The following ADGRL3 variants were observed in gnomAD, a reference collection of about 807,000 sequenced individuals.
The protein encoded by ADGRL3 is calcium-independent alpha-latrotoxin receptor 3.
A neutral mutation model predicts 153.5 loss-of-function variants in ADGRL3; 62 were observed. The observed-to-expected ratio is 0.40, with a 90% CI of 0.33 to 0.50. The LOEUF (loss-of-function observed/expected upper bound fraction) is 0.50. Ranked by LOEUF, ADGRL3 falls within the 20% of genes least tolerant of loss-of-function variation. The probability of loss-of-function intolerance (pLI) is 0.47; values close to 1 mark genes in which losing one functional copy is unlikely to be tolerated. For missense variants in ADGRL3, 1,641 were observed against 1,859.4 expected, an observed-to-expected ratio of 0.88 and a Z score of 2.16; for synonymous variants, 710 against 672.5, an observed-to-expected ratio of 1.06 and a Z score of -0.86.
intron 15 of ADGRL3, among the ~76,000 whole-genome samples, chr4:61,937,879 CATTT>C (rs1290944362): frequency 2.0e-5 from 3 of 152,038 alleles, no homozygotes; most frequent in East Asian, 1.9e-4. Context: ...GTTGTGTGTT[CATTT>C]GTTTTCTAAA....
chr4:61,919,953 G>A (rs547811525), intron 13 of ADGRL3, among the ~76,000 whole-genome samples: 87 of 152,168 alleles, frequency 5.7e-4, no homozygotes, highest in African/African-American at 2.0e-3. Flanking sequence ...TGAGGGTATG[G>A]GAAAAGTGTC....
intron 1 of ADGRL3, among the ~76,000 whole-genome samples, chr4:61,266,747 T>C (rs747603834): frequency 4.6e-5 from 7 of 151,792 alleles, no homozygotes; most frequent in Non-Finnish European, 1.0e-4. Context: ...CTTCCAAATA[T>C]ATTTTATGCT....
At chr4:62,009,873 T>C (rs2099175849) in intron 21 of ADGRL3, among the ~76,000 whole-genome samples, 1 of 152,144 alleles carries the variant, frequency 6.6e-6, no homozygotes, top group Non-Finnish European at 1.5e-5. Context: ...GGAGTCCCCA[T>C]GACCATCCCT....
intron 8 of ADGRL3, among the ~76,000 whole-genome samples, chr4:61,793,614 A>G (rs1445313583): frequency 6.6e-6 from 1 of 152,086 alleles, no homozygotes; most frequent in Non-Finnish European, 1.5e-5. Flanking sequence ...GGCTCCCAAC[A>G]TTACTTGTCT....
At chr4:61,891,310 ACT>A (rs1446133183) in intron 9 of ADGRL3, among the ~76,000 whole-genome samples, 2 of 152,142 alleles carry the variant, frequency 1.3e-5, no homozygotes, top group South Asian at 4.1e-4. Context: ...AAAATAAGAC[ACT>A]CTGCCTTCTT....
At chr4:61,235,857 T>C (rs561866933) in intron 1 of ADGRL3, among the ~76,000 whole-genome samples, 1 of 152,228 alleles carries the variant, frequency 6.6e-6, no homozygotes, top group Admixed American at 6.6e-5. Context: ...AATATCCTGG[T>C]CCCTGTGAAG....
rs571613811 is a variant in ADGRL3, at chr4:61,964,288, A to G, written c.2806-15275A>G. Among the ~76,000 whole-genome samples the G allele has an allele frequency of 2.0e-5, 3 of 152,326 alleles. No homozygotes were observed. In the South Asian group the frequency reaches 6.2e-4, roughly 32 times the overall value. ...AAAATCTATAAGAATCGTATTGAGA[A>G]TTATAAGGTTTTCTGGAAATATGAC... On this transcript the variant is annotated intron_variant, in intron 17 of 26. Coordinates refer to ENST00000683033, the MANE Select transcript of ADGRL3 (RefSeq NM_001387552.1).
At chr4:61,226,599 A>T (rs1298975927) in intron 1 of ADGRL3, among the ~76,000 whole-genome samples, 1 of 152,180 alleles carries the variant, frequency 6.6e-6, no homozygotes, top group Non-Finnish European at 1.5e-5. Flanking sequence ...AAAGGTCAGC[A>T]ATCTCTGAAT....
Position 61,587,445 on chromosome 4 carries a change from G to T in ADGRL3, c.473+5G>T. The T allele has an allele frequency of 6.3e-7, 1 of 1,588,824 alleles. No individual in the cohort carries two copies. The highest frequency in any genetic ancestry group is 8.6e-7 in the Non-Finnish European group (1 of 1,158,850). On this transcript the variant is annotated splice_donor_5th_base_variant and intron_variant, in intron 5 of 26. Transcript: ENST00000683033. ...CTATAAGATTATGTCTCAAAGGTATGATACTTCTAATATTCTTTTCTTTGT... is the reference window on the plus strand; with the variant it reads ...CTATAAGATTATGTCTCAAAGGTATTATACTTCTAATATTCTTTTCTTTGT...
At chr4:61,596,370 C>G (rs1031024721) in intron 5 of ADGRL3, among the ~76,000 whole-genome samples, 19 of 152,112 alleles carry the variant, frequency 1.2e-4, no homozygotes, top group African/African-American at 4.3e-4. Context: ...TTAGACAGAG[C>G]AATCTTCACA....
chr4:61,500,015 TACAC>T (rs1307550119), intron 3 of ADGRL3, among the ~76,000 whole-genome samples: 1 of 81,276 alleles, frequency 1.2e-5, no homozygotes, highest in Admixed American at 1.3e-4. Flanking sequence ...CACACACACA[TACAC>T]ACACAGAAAC....
intron 24 of ADGRL3, among the ~76,000 whole-genome samples, chr4:62,041,639 T>G (rs1030214124): frequency 4.6e-5 from 7 of 152,026 alleles, no homozygotes; most frequent in Non-Finnish European, 1.0e-4. Flanking sequence ...CCGCAACTTA[T>G]TCTAATCATT....
intron 9 of ADGRL3, among the ~76,000 whole-genome samples, chr4:61,880,066 C>T (rs1193314243): frequency 1.3e-5 from 2 of 151,796 alleles, no homozygotes; most frequent in African/African-American, 4.8e-5. Context: ...CTTGGTTGGC[C>T]ATAACAGTAG....
At chr4:61,267,343 A>G (rs1361938376) in intron 1 of ADGRL3, among the ~76,000 whole-genome samples, 1 of 151,750 alleles carries the variant, frequency 6.6e-6, no homozygotes, top group African/African-American at 2.4e-5. Context: ...TGTGTGTTAA[A>G]TAAGAGTCAC....
intron 22 of ADGRL3, among the ~76,000 whole-genome samples, chr4:62,031,110 C>T (rs1195645944): frequency 6.6e-6 from 1 of 151,594 alleles, no homozygotes; most frequent in African/African-American, 2.4e-5. Flanking sequence ...AGACTAACAG[C>T]TTTATAGCCT....
intron 9 of ADGRL3, among the ~76,000 whole-genome samples, chr4:61,840,528 T>G (rs2148985547): frequency 6.6e-6 from 1 of 152,352 alleles, no homozygotes; most frequent in East Asian, 1.9e-4. Context: ...CATCTCCTTT[T>G]ATTACCTTCA....
intron 2 of ADGRL3, among the ~76,000 whole-genome samples, chr4:61,421,250 T>C (rs1444564959): frequency 6.6e-6 from 1 of 151,866 alleles, no homozygotes; most frequent in Non-Finnish European, 1.5e-5. Flanking sequence ...AGGAGAATGG[T>C]GTGAACCCGG....
chr4:61,488,804 T>G (rs17090481), intron 2 of ADGRL3, among the ~76,000 whole-genome samples: 1,598 of 152,134 alleles, frequency 0.011, 31 homozygotes, highest in African/African-American at 0.036. Flanking sequence ...ATACTAACTC[T>G]GGCAAATATT....
chr4:61,887,580 C>G (rs1472792827), intron 9 of ADGRL3, among the ~76,000 whole-genome samples: 1 of 152,074 alleles, frequency 6.6e-6, no homozygotes, highest in East Asian at 1.9e-4. Context: ...GGTGTGGTGG[C>G]CCACACCTGT....
Sources: allele counts gnomAD v4.1 joint callset (sites outside exome capture counted in the v4.1 genomes callset), GRCh38; gene constraint gnomAD v4.1.1; transcripts MANE v1.5; gene names NCBI Gene and HGNC (gene_info 2026-07-23, HGNC 2026-07-21).